CDH12: variants seen among roughly 807,000 people sequenced by gnomAD.
CDH12 encodes cadherin-12.
CDH12 carries 41 observed loss-of-function variants against 74.1 expected under a neutral mutation model. The observed-to-expected ratio is 0.55, with a 90% CI of 0.43 to 0.72. The LOEUF is 0.72. Among genes scored for constraint, CDH12 ranks in the 30% least tolerant of loss-of-function variants. The pLI is 0.00. For synonymous variants in CDH12, 399 were observed against 355.0 expected (o/e 1.12, Z -1.39); for missense variants, 945 against 977.2 (o/e 0.97, Z 0.44).
intron 2 of CDH12, among the ~76,000 whole-genome samples, chr5:22,428,178 T>G (rs565373631): frequency 7.3e-6 from 1 of 136,468 alleles, no homozygotes; most frequent in African/African-American, 2.8e-5. Context: ...GACAGATAGA[T>G]AGAAATACAC....
chr5:22,713,360 C>G (rs1245412723), intron 1 of CDH12, among the ~76,000 whole-genome samples: 1 of 151,704 alleles, frequency 6.6e-6, no homozygotes, highest in Non-Finnish European at 1.5e-5. Context: ...CCAGGATGGT[C>G]TCAATCTCTT....
chr5:21,778,298 A>G (rs553430386), intron 11 of CDH12, among the ~76,000 whole-genome samples: 30 of 152,152 alleles, frequency 2.0e-4, no homozygotes, highest in African/African-American at 7.0e-4. Flanking sequence ...GAACAAGAAC[A>G]CTCACTCTGC....
At chr5:22,048,849 T>A in intron 5 of CDH12, among the ~76,000 whole-genome samples, 1 of 151,954 alleles carries the variant, frequency 6.6e-6, no homozygotes, top group East Asian at 1.9e-4. Context: ...CAAATAATAA[T>A]AAGGACCATG....
At chr5:22,807,048 A>G (rs1748854546) in intron 1 of CDH12, among the ~76,000 whole-genome samples, 1 of 152,156 alleles carries the variant, frequency 6.6e-6, no homozygotes, top group Non-Finnish European at 1.5e-5. Flanking sequence ...GTCTTTGCCC[A>G]TGCCTATGTC....
intron 5 of CDH12, among the ~76,000 whole-genome samples, chr5:22,025,469 T>TA (rs1320058244): frequency 1.3e-5 from 2 of 152,090 alleles, no homozygotes; most frequent in Non-Finnish European, 2.9e-5. Flanking sequence ...ATTTAATTCC[T>TA]AAAAAAATGC....
chr5:22,246,438 G>A (rs1289504380), intron 3 of CDH12, among the ~76,000 whole-genome samples: 4 of 152,216 alleles, frequency 2.6e-5, no homozygotes, highest in African/African-American at 7.2e-5. Context: ...TTTCTAACAT[G>A]TAGGCTTTGA....
At chr5:22,504,728 C>A (rs1396092308) in intron 2 of CDH12, among the ~76,000 whole-genome samples, 2 of 151,970 alleles carry the variant, frequency 1.3e-5, no homozygotes, top group Admixed American at 6.6e-5. Flanking sequence ...ATTACAATTG[C>A]CAGCGCAAGA....
intron 8 of CDH12, among the ~76,000 whole-genome samples, chr5:21,828,409 A>G (rs1213535502): frequency 6.6e-6 from 1 of 152,204 alleles, no homozygotes; most frequent in African/African-American, 2.4e-5. Context: ...GGCGTGAGCC[A>G]CTGAGCCTGG....
At chr5:22,604,454 AC>A (rs1409572609) in intron 1 of CDH12, among the ~76,000 whole-genome samples, 1 of 152,190 alleles carries the variant, frequency 6.6e-6, no homozygotes, top group Non-Finnish European at 1.5e-5. Context: ...ACTGAGGCTC[AC>A]CTTTCTCAGA....
At chr5:22,046,430 C>CTTTTTTTTTTTTTTTTTTTTTTTT (rs11323330) in intron 5 of CDH12, among the ~76,000 whole-genome samples, 1 of 100,420 alleles carries the variant, frequency 1.0e-5, no homozygotes, top group African/African-American at 4.3e-5. Context: ...CATTTAATTT[C>CTTTTTTTTTTTTTTTTTTTTTTTT]TTTTTTTTTT....
intron 4 of CDH12, among the ~76,000 whole-genome samples, chr5:22,144,325 T>C (rs1201915981): frequency 6.6e-6 from 1 of 152,174 alleles, no homozygotes; most frequent in Admixed American, 6.5e-5. Context: ...ATAAGCAGAA[T>C]TGAGTTAATG....
At chr5:22,334,187 T>G (rs2150447929) in intron 3 of CDH12, among the ~76,000 whole-genome samples, 1 of 152,132 alleles carries the variant, frequency 6.6e-6, no homozygotes, top group East Asian at 1.9e-4. Flanking sequence ...GAAGTCAAAT[T>G]ATCTGTGTTT....
rs563748038 is a variant in CDH12, at chr5:21,935,397, T to C, written c.526+39694A>G. On this transcript the variant is annotated intron_variant, in intron 6 of 14. Coordinates refer to ENST00000382254, the MANE Select transcript of CDH12 (RefSeq NM_004061.5). ...CCTCAAAGCATAGCCAAGGAAGAAA[T>C]GATTCTTGTCTAAACTAATGCACTT... 1.4e-3 allele frequency among the ~76,000 whole-genome samples: 207 copies of C among 152,292 alleles called. 1 individual carries two copies. Among genetic ancestry groups the C allele is most frequent in the African/African-American group, 4.8e-3 (201 of 41,580 alleles).
chr5:21,819,802 G>A (rs1748264735), intron 8 of CDH12, among the ~76,000 whole-genome samples: 3 of 151,926 alleles, frequency 2.0e-5, no homozygotes, highest in Admixed American at 6.6e-5. Flanking sequence ...GGGTGAAACA[G>A]TGAGAGTCAT....
chr5:22,745,276 A>AT (rs75964510), intron 1 of CDH12, among the ~76,000 whole-genome samples: 6,952 of 149,996 alleles, frequency 0.046, 269 homozygotes, highest in East Asian at 0.15. Flanking sequence ...TTCCATTGAG[A>AT]TTTTTTTTTA....
At chr5:22,048,370 A>C (rs1365631279) in intron 5 of CDH12, among the ~76,000 whole-genome samples, 4 of 152,168 alleles carry the variant, frequency 2.6e-5, no homozygotes, top group Non-Finnish European at 5.9e-5. Flanking sequence ...CCATCAGTAG[A>C]CCAAAATCAT....
intron 1 of CDH12, among the ~76,000 whole-genome samples, chr5:22,506,667 T>C (rs79929379): frequency 0.018 from 2,749 of 152,150 alleles, 81 homozygotes; most frequent in African/African-American, 0.063. Flanking sequence ...AAGATCTGAC[T>C]ACTAGTTATG....
At chr5:22,192,043 C>G (rs1750340095) in intron 4 of CDH12, among the ~76,000 whole-genome samples, 1 of 152,108 alleles carries the variant, frequency 6.6e-6, no homozygotes, top group South Asian at 2.1e-4. Context: ...TCAAGTGATT[C>G]TCCTGACTCA....
chr5:22,632,236 C>A (rs935177929), intron 1 of CDH12, among the ~76,000 whole-genome samples: 3 of 152,086 alleles, frequency 2.0e-5, no homozygotes, highest in Non-Finnish European at 4.4e-5. Context: ...GAAGCAGATG[C>A]CAGAATCATG....
Sources: allele counts gnomAD v4.1 joint callset (sites outside exome capture counted in the v4.1 genomes callset), GRCh38; gene constraint gnomAD v4.1.1; transcripts MANE v1.5; gene names NCBI Gene and HGNC (gene_info 2026-07-23, HGNC 2026-07-21).